The following CDKN2A variants were observed in gnomAD, a reference collection of about 807,000 sequenced individuals.
The protein encoded by CDKN2A is cyclin dependent kinase inhibitor 2A, also known as cyclin-dependent kinase inhibitor 2A.
In CDKN2A, 3 loss-of-function variants were observed where a neutral mutation model predicts 11.1. The ratio of observed to expected loss-of-function variants is 0.27; its 90% CI spans 0.12 to 0.70. The LOEUF (loss-of-function observed/expected upper bound fraction) is 0.70, where lower values mean the gene tolerates loss of function less well. Among genes scored for constraint, CDKN2A ranks in the 30% least tolerant of loss-of-function variants. The pLI, the probability that CDKN2A is intolerant of heterozygous loss-of-function variation, is 0.77. For synonymous variants in CDKN2A, 122 were observed against 108.1 expected (o/e 1.13, Z -0.80); for missense variants, 265 against 233.6 (o/e 1.13, Z -0.88).
At position 21,994,154 on chromosome 9, in the gene CDKN2A, G is replaced by A. The variant is rs769257927; in HGVS notation, c.-175-101C>T. On this transcript the variant is annotated intron_variant, in intron 1 of 3. Coordinates refer to the CDKN2A transcript ENST00000494262. ...CCTTTCCTACCTGGTCTTCTAGGAAGCGGCTGCTGCCCTAGACGCTGGCTC... is the reference window on the plus strand; with the variant it reads ...CCTTTCCTACCTGGTCTTCTAGGAAACGGCTGCTGCCCTAGACGCTGGCTC... 13 of 1,601,950 alleles carry A rather than the reference G, an allele frequency of 8.1e-6. No individual in the cohort carries two copies. The South Asian group carries it at 1.3e-4, about 16-fold the overall frequency.
intron 2 of CDKN2A, among the ~76,000 whole-genome samples, chr9:21,984,035 G>A (rs1021007386): frequency 3.9e-5 from 6 of 151,920 alleles, no homozygotes; most frequent in African/African-American, 1.4e-4. Flanking sequence ...TGCACGGTAG[G>A]CTCTCAATAA....
chr9:21,984,924 T>C (rs748603609), intron 2 of CDKN2A, among the ~76,000 whole-genome samples: 3 of 151,964 alleles, frequency 2.0e-5, no homozygotes, highest in Admixed American at 6.6e-5. Flanking sequence ...CTGATATTAT[T>C]AAAGATTGCA....
intron 2 of CDKN2A, among the ~76,000 whole-genome samples, chr9:21,981,720 A>T (rs1161635275): frequency 6.6e-6 from 1 of 151,986 alleles, no homozygotes; most frequent in Non-Finnish European, 1.5e-5. Flanking sequence ...TTTAGCCCCG[A>T]AGTGCCAAAG....
chr9:21,970,023 C>T (rs146169040), intron 2 of CDKN2A, among the ~76,000 whole-genome samples: 1 of 152,158 alleles, frequency 6.6e-6, no homozygotes, highest in Non-Finnish European at 1.5e-5. Context: ...TCATGTTTTA[C>T]CTTAAATATT....
intron 2 of CDKN2A, among the ~76,000 whole-genome samples, chr9:21,990,611 TGAGAGAGAGAGAGAGAGA>T (rs60431211): frequency 1.1e-5 from 1 of 89,674 alleles, no homozygotes; most frequent in Non-Finnish European, 2.2e-5. Flanking sequence ...ACTAATTTGG[TGAGAGAGAGAGAGAGAGA>T]GAGAGAGAGA....
At chr9:21,974,936 G>A (rs1819976575), upstream of CDKN2A, 2 of 1,424,624 alleles carry the variant, frequency 1.4e-6, no homozygotes, top group South Asian at 1.5e-5. The surrounding 1 kb of genome is among the most constrained non-coding windows in gnomAD (Gnocchi z 5.2). Context: ...TTCTTCCTCC[G>A]GTGCTGGCGG....
chr9:21,977,315 C>T (rs552343523), upstream of CDKN2A, among the ~76,000 whole-genome samples: 1 of 152,220 alleles, frequency 6.6e-6, no homozygotes, highest in African/African-American at 2.4e-5. Context: ...GGAGGGAACA[C>T]ATTTCCATCA....
chr9:21,990,781 T>A (rs945489064), intron 2 of CDKN2A, among the ~76,000 whole-genome samples: 1 of 152,372 alleles, frequency 6.6e-6, no homozygotes, highest in East Asian at 1.9e-4. Flanking sequence ...TAACACTTTA[T>A]TGCTAGAATT....
chr9:21,992,738 A>G (rs1434537085), intron 2 of CDKN2A, among the ~76,000 whole-genome samples: 2 of 151,962 alleles, frequency 1.3e-5, no homozygotes, highest in Non-Finnish European at 2.9e-5. Context: ...TATTAACTAG[A>G]GTAATAAATA....
chr9:21,993,507 T>A (rs539762204), intron 2 of CDKN2A, among the ~76,000 whole-genome samples: 1 of 152,196 alleles, frequency 6.6e-6, no homozygotes, highest in Admixed American at 6.5e-5. Context: ...CCGCCGGACC[T>A]CTACCTCTAA....
chr9:21,994,167 T>C lies in CDKN2A; in HGVS notation c.-175-114A>G, dbSNP rs1820527413. 2 of 1,603,566 alleles carry C rather than the reference T, an allele frequency of 1.2e-6. No homozygotes were observed. The highest frequency in any genetic ancestry group is 2.2e-5 in the East Asian group (1 of 44,850). On this transcript the variant is annotated intron_variant, in intron 1 of 3. Coordinates refer to the CDKN2A transcript ENST00000494262. Reference sequence around the variant, plus strand: ...GTCTTCTAGGAAGCGGCTGCTGCCCTAGACGCTGGCTCCTCAGTAGCATCA... The same window carrying C: ...GTCTTCTAGGAAGCGGCTGCTGCCCCAGACGCTGGCTCCTCAGTAGCATCA...
chr9:21,968,931 T>C lies in CDKN2A; in HGVS notation c.458-689A>G, dbSNP rs117417018. On this transcript the variant is annotated intron_variant, in intron 2 of 2. Coordinates refer to ENST00000304494, the MANE Select transcript of CDKN2A (RefSeq NM_000077.5). The surrounding 1 kb of genome is among the most constrained non-coding windows in gnomAD (Gnocchi z 4.7). ...TTTATTCCTGAGGGAGCATTTGCACTTGAAAGTCTCTTTTTACGTTTATTC... is the reference window on the plus strand; with the variant it reads ...TTTATTCCTGAGGGAGCATTTGCACCTGAAAGTCTCTTTTTACGTTTATTC... Among the ~76,000 whole-genome samples the C allele has an allele frequency of 6.6e-6, 1 of 152,218 alleles. No individual in the cohort carries two copies. Among genetic ancestry groups the C allele is most frequent in the South Asian group, 2.1e-4 (1 of 4,828 alleles).
At chr9:21,986,134 T>A (rs1463183227) in intron 2 of CDKN2A, among the ~76,000 whole-genome samples, 6 of 152,092 alleles carry the variant, frequency 3.9e-5, no homozygotes, top group Non-Finnish European at 8.8e-5. Context: ...TACTTCATTC[T>A]GGTACCATGA....
At position 21,968,746 on chromosome 9, in the gene CDKN2A, A is replaced by G. The variant is rs2131082199; in HGVS notation, c.458-504T>C. The G allele has an allele frequency of 6.5e-7, 1 of 1,536,086 alleles. No individual in the cohort carries two copies. The highest frequency in any genetic ancestry group is 1.2e-5 in the South Asian group (1 of 84,058). ...TTCCCTACGCATGCCTGCTTCTACA[A>G]ACCCACAAATGGTTTCCGATCATTT... On this transcript the variant is annotated intron_variant, in intron 2 of 2. Transcript: ENST00000304494. The surrounding 1 kb of genome is among the most constrained non-coding windows in gnomAD (Gnocchi z 4.7).
chr9:21,990,648 G>GAGAGAGAGAGAGAGAGAGAGAGAGAGAA (rs1261600637), intron 2 of CDKN2A, among the ~76,000 whole-genome samples: 5 of 149,486 alleles, frequency 3.3e-5, no homozygotes, highest in African/African-American at 1.3e-4. Flanking sequence ...GAGAGAGAGA[G>GAGAGAGAGAGAGAGAGAGAGAGAGAGAA]AGAAACTGTT....
In CDKN2A at chr9:21,981,024, G is replaced by A. The variant is rs376095781; in HGVS notation, c.-3-9816C>T. Among the ~76,000 whole-genome samples, 45 of 45,712 alleles carry A rather than the reference G, an allele frequency of 9.8e-4. 4 individuals carry two copies. The highest frequency in any genetic ancestry group is 1.6e-3 in the Non-Finnish European group (35 of 22,522). 30.0% of individuals were successfully genotyped at this position (45,712 alleles called of 152,430 possible). ...TATACGTGTATATATATATATACGT[G>A]TATATATATATACGTGTATATATAT... On this transcript the variant is annotated intron_variant, in intron 2 of 3. Transcript: ENST00000494262.
chr9:21,971,954 A>G (rs953365311), intron 1 of CDKN2A, among the ~76,000 whole-genome samples: 15 of 152,080 alleles, frequency 9.9e-5, no homozygotes, highest in African/African-American at 3.4e-4. Flanking sequence ...AAAAACAATC[A>G]AACTTATTCC....
At chr9:21,989,169 T>C (rs192970104) in intron 2 of CDKN2A, among the ~76,000 whole-genome samples, 1 of 152,328 alleles carries the variant, frequency 6.6e-6, no homozygotes, top group East Asian at 1.9e-4. Flanking sequence ...CACATTAAAA[T>C]AGCATGAATT....
Position 21,994,244 on chromosome 9 carries a change from G to A in CDKN2A, c.-175-191C>T, listed in dbSNP as rs2131148620. 1 of 1,606,426 alleles carries A rather than the reference G, an allele frequency of 6.2e-7. No homozygotes were observed. Among genetic ancestry groups the A allele is most frequent in the African/African-American group, 1.3e-5 (1 of 74,984 alleles). On this transcript the variant is annotated intron_variant, in intron 1 of 3. Coordinates refer to the CDKN2A transcript ENST00000494262. ...CCTGGCGCTGCCCACTCCCCCGTGA[G>A]CCGCGGGATGTGAACCACGAAAACC...
Sources: allele counts gnomAD v4.1 joint callset (sites outside exome capture counted in the v4.1 genomes callset), GRCh38; gene constraint gnomAD v4.1.1; non-coding constraint Gnocchi (gnomAD v3.1); transcripts MANE v1.5; gene names NCBI Gene and HGNC (gene_info 2026-07-23, HGNC 2026-07-21).